SORL1: variants seen among roughly 807,000 people sequenced by gnomAD.
SORL1 encodes sortilin related receptor 1, also known as sortilin-related receptor.
A neutral mutation model predicts 273.7 loss-of-function variants in SORL1; 127 were observed. The ratio of observed to expected loss-of-function variants is 0.46; its 90% CI spans 0.40 to 0.54. The LOEUF is 0.54. Ranked by LOEUF, SORL1 falls within the 20% of genes least tolerant of loss-of-function variation. SORL1 has a pLI of 0.00. For missense variants in SORL1, 2,494 were observed against 2,846.1 expected (o/e 0.88, Z 2.81); for synonymous variants, 1,031 against 1,067.4 (o/e 0.97, Z 0.66).
At chr11:121,612,357 G>A (rs1163283581) in intron 39 of SORL1, 1 of 176,306 alleles carries the variant, frequency 5.7e-6, no homozygotes, top group Non-Finnish European at 1.2e-5. Flanking sequence ...AGCCTGTTTT[G>A]TATGGATTGT....
chr11:121,577,879 A>G (rs1862959730), intron 25 of SORL1, among the ~76,000 whole-genome samples: 1 of 152,164 alleles, frequency 6.6e-6, no homozygotes, highest in South Asian at 2.1e-4. Context: ...AGGTAGGGGT[A>G]GTGTTCTCAT....
intron 8 of SORL1, among the ~76,000 whole-genome samples, chr11:121,516,074 A>G (rs1196553021): frequency 6.6e-6 from 1 of 152,256 alleles, no homozygotes; most frequent in Non-Finnish European, 1.5e-5. Flanking sequence ...TATAACACAT[A>G]AATGGATAGT....
intron 32 of SORL1, among the ~76,000 whole-genome samples, chr11:121,598,164 C>A (rs1189256820): frequency 6.6e-6 from 1 of 152,052 alleles, no homozygotes; most frequent in Non-Finnish European, 1.5e-5. Context: ...TATCTTAGAT[C>A]ACTTGGACTT....
intron 8 of SORL1, among the ~76,000 whole-genome samples, chr11:121,517,437 A>AAT (rs1238222199): frequency 6.6e-6 from 1 of 152,210 alleles, no homozygotes; most frequent in Non-Finnish European, 1.5e-5. Flanking sequence ...TTAATGGGTG[A>AAT]ATAATATTCT....
rs199534636 is a variant in SORL1 at position 121,605,282 on chromosome 11, A to G, written c.4778+43A>G. 38 of 1,595,342 alleles carry G rather than the reference A, an allele frequency of 2.4e-5. No individual in the cohort carries two copies. The African/African-American group carries it at 4.0e-4, about 17-fold the overall frequency. ...CATGGGAGATGAAAATGATGTCTTC[A>G]TTGCCCCAGGATGTTCTGTAAACTC... On this transcript the variant is annotated intron_variant, in intron 34 of 47. Transcript: ENST00000260197.
chr11:121,545,147 A>G, intron 13 of SORL1, 96 bp from the exon 14 acceptor site: 2 of 1,125,556 alleles, frequency 1.8e-6, no homozygotes, highest in Non-Finnish European at 2.6e-6. Flanking sequence ...ACAGATAGAC[A>G]GGAAGTGGGG....
chr11:121,554,226 A>G lies in SORL1; in HGVS notation c.2439+117A>G. The G allele has an allele frequency of 1.2e-6, 1 of 849,266 alleles. No individual in the cohort carries two copies. The highest frequency in any genetic ancestry group is 1.8e-6 in the Non-Finnish European group (1 of 551,116). The allele number at this position is 849,266 out of a possible 1,614,324, so 52.6% of individuals were successfully genotyped here. A position where few individuals can be genotyped will look rare whatever the true frequency, so the allele number is the denominator to read the frequency against. ...AGTTAGAAGTTTGTAAGTGTTACTC[A>G]TCTCAGGGCTGACAGGTGAAAGTTT... On this transcript the variant is annotated intron_variant, in intron 17 of 47. Coordinates refer to ENST00000260197, the MANE Select transcript of SORL1 (RefSeq NM_003105.6). This position sits in a 1 kb window ranked among gnomAD's most constrained non-coding sequence, Gnocchi z 4.6.
At position 121,621,073 on chromosome 11, in the gene SORL1, G is replaced by A. The variant is rs1792120; in HGVS notation, c.5899G>A (p.Val1967Ile). The A allele has an allele frequency of 1, 1,603,972 of 1,608,586 alleles. 799,796 individuals are homozygous for A. Among genetic ancestry groups the A allele is most frequent in the East Asian group, 1 (44,836 of 44,836 alleles). Residue 1967 changes from valine to isoleucine, a missense_variant, in exon 44 of 48, where the codon GTT becomes ATT. Coordinates refer to ENST00000260197, the MANE Select transcript of SORL1 (RefSeq NM_003105.6). ...DSPDQDLLYAVAVKDLIRKTD... is the reference protein window; with the variant it reads ...DSPDQDLLYAIAVKDLIRKTD... Reference sequence around the variant, plus strand: ...TCTTTTTTGGTCCTAGTTGTATGCAGTTGCAGTCAAAGATCTCATAAGAAA... The same window carrying A: ...TCTTTTTTGGTCCTAGTTGTATGCAATTGCAGTCAAAGATCTCATAAGAAA...
At chr11:121,602,788 C>T (rs968074556) in intron 32 of SORL1, among the ~76,000 whole-genome samples, 3 of 152,162 alleles carry the variant, frequency 2.0e-5, no homozygotes, top group African/African-American at 7.2e-5. Context: ...CAGGAAGGGA[C>T]TATTATCATC....
At position 121,558,638 on chromosome 11, in the gene SORL1, G is replaced by A. The variant is rs112436024; in HGVS notation, c.2711G>A (p.Arg904Gln). 1.4e-4 allele frequency: 227 copies of A among 1,614,020 alleles called. 1 individual carries two copies. Among genetic ancestry groups the A allele is most frequent in the East Asian group, 2.9e-4 (13 of 44,886 alleles). ...DWGDLKPGIY[R>Q]SNMDGSAAYH... ...GGAGACCTGAAGCCTGGGATTTATC[G>A]GAGCAATATGGATGGTTCTGCTGCC... The change falls in exon 20 of 48, where the codon CGG (arginine) becomes CAG (glutamine). Residue 904 changes from arginine (R) to glutamine (Q), a missense_variant. By Grantham distance (43) the Arg-to-Gln change is conservative (BLOSUM62 1). Transcript: ENST00000260197.
intron 24 of SORL1, among the ~76,000 whole-genome samples, 156 bp downstream of exon 24, chr11:121,574,519 A>C (rs1862897914): frequency 6.6e-6 from 1 of 152,150 alleles, no homozygotes; most frequent in Non-Finnish European, 1.5e-5. Flanking sequence ...GGTGGGGTTG[A>C]GTCATTTCTC....
At chr11:121,608,792 G>A (rs1490160423) in intron 38 of SORL1, 3 of 152,564 alleles carry the variant, frequency 2.0e-5, no homozygotes, top group African/African-American at 7.2e-5. Flanking sequence ...GTAAGTGACA[G>A]AGCTGGCCCT....
intron 27 of SORL1, among the ~76,000 whole-genome samples, chr11:121,587,143 A>T (rs1180668174): frequency 6.6e-6 from 1 of 152,336 alleles, no homozygotes; most frequent in Non-Finnish European, 1.5e-5. Flanking sequence ...AAACCCTGCA[A>T]TAGTTGCTTT....
intron 44 of SORL1, among the ~76,000 whole-genome samples, 179 bp downstream of exon 44, chr11:121,621,417 G>T (rs926470978): frequency 2.0e-5 from 3 of 152,162 alleles, no homozygotes; most frequent in Non-Finnish European, 4.4e-5. Flanking sequence ...GCCGTGGCGT[G>T]GTGGCCAGGG....
chr11:121,466,111 C>T (rs1362159571), intron 1 of SORL1, among the ~76,000 whole-genome samples: 1 of 152,164 alleles, frequency 6.6e-6, no homozygotes, highest in East Asian at 1.9e-4. Context: ...GGCACTCGGC[C>T]CCTCCCTGCT....
At chr11:121,575,538 C>T (rs1862915691) in intron 24 of SORL1, among the ~76,000 whole-genome samples, 1 of 152,228 alleles carries the variant, frequency 6.6e-6, no homozygotes. Context: ...TGGTTTGACT[C>T]ACAGCAGCTG....
chr11:121,506,111 A>T (rs1861781890), intron 6 of SORL1, among the ~76,000 whole-genome samples: 1 of 152,008 alleles, frequency 6.6e-6, no homozygotes, highest in African/African-American at 2.4e-5. Flanking sequence ...GTTTTCCCTC[A>T]TGTGCTTTGG....
intron 5 of SORL1, among the ~76,000 whole-genome samples, chr11:121,492,770 T>C (rs1480090372): frequency 4.0e-5 from 6 of 151,752 alleles, no homozygotes; most frequent in African/African-American, 1.5e-4. Context: ...TTTTCCTTAT[T>C]ATGAGTTAGA....
intron 8 of SORL1, among the ~76,000 whole-genome samples, chr11:121,515,922 C>T (rs1012205610): frequency 6.6e-6 from 1 of 152,198 alleles, no homozygotes; most frequent in African/African-American, 2.4e-5. Flanking sequence ...GCTGGGATTA[C>T]AGATATGAGC....
Sources: gnomAD v4.1 joint callset for allele counts (sites outside exome capture counted in the v4.1 genomes callset) on GRCh38, gnomAD v4.1.1 for gene constraint, Gnocchi (gnomAD v3.1) non-coding constraint, MANE v1.5 for transcripts, NCBI Gene and HGNC (gene_info 2026-07-23, HGNC 2026-07-21) for gene names.